The following CDH13 variants were observed in gnomAD, a reference collection of about 807,000 sequenced individuals.
The protein encoded by CDH13 is cadherin-13.
In CDH13, 24 loss-of-function variants were observed where a neutral mutation model predicts 63.8. That is an observed-to-expected ratio of 0.38 (90% CI 0.27 to 0.53). The LOEUF (loss-of-function observed/expected upper bound fraction) is 0.53. CDH13 is among the 20% of genes least tolerant of loss of function. The pLI is 0.85. For missense variants in CDH13, 1,049 were observed against 903.1 expected (o/e 1.16, Z -2.07); for synonymous variants, 503 against 355.3 (o/e 1.42, Z -4.67).
At chr16:82,909,250 A>ATGTGTG (rs945671440) in intron 2 of CDH13, among the ~76,000 whole-genome samples, 1 of 96,244 alleles carries the variant, frequency 1.0e-5, no homozygotes, top group African/African-American at 4.3e-5. Flanking sequence ...GACTGACTGT[A>ATGTGTG]TATGTGTGTG....
chr16:82,972,047 C>A (rs1908834601), intron 2 of CDH13, among the ~76,000 whole-genome samples: 2 of 152,182 alleles, frequency 1.3e-5, no homozygotes. Context: ...CACAGATGTG[C>A]CAGATATGTA....
intron 2 of CDH13, among the ~76,000 whole-genome samples, chr16:82,892,668 C>T (rs1212550993): frequency 6.6e-6 from 1 of 152,122 alleles, no homozygotes; most frequent in Non-Finnish European, 1.5e-5. Context: ...GCAAGTTGTT[C>T]TGTCATTTAG....
chr16:82,948,856 T>C (rs1327257686), intron 2 of CDH13, among the ~76,000 whole-genome samples: 1 of 152,176 alleles, frequency 6.6e-6, no homozygotes, highest in Admixed American at 6.5e-5. Context: ...TTGACATCAA[T>C]TTACTGAACA....
chr16:83,138,444 C>G (rs559669361), intron 4 of CDH13, among the ~76,000 whole-genome samples: 8 of 152,262 alleles, frequency 5.3e-5, no homozygotes, highest in African/African-American at 1.9e-4. Context: ...TAAGAGCAGG[C>G]AACGCGAAGC....
rs143437816 is a variant in CDH13 at position 83,558,829 on chromosome 16, G to T, written c.961-43625G>T. ...GTACATCTTTAAATAATTTACCCAC[G>T]TGGGTAGGTAGGAAAACTGGATCTG... is the stretch of plus-strand genomic sequence containing the variant. On this transcript the variant is annotated intron_variant, in intron 7 of 13. Transcript: ENST00000567109. Among the ~76,000 whole-genome samples, 208 of 152,282 alleles carry T rather than the reference G, an allele frequency of 1.4e-3. 6 individuals are homozygous for T. The East Asian group carries it at 0.039, about 28-fold the overall frequency.
intron 1 of CDH13, chr16:82,826,208 G>C (rs1035339387): frequency 2.0e-4 from 31 of 152,284 alleles, no homozygotes; most frequent in African/African-American, 7.0e-4. Flanking sequence ...CTCTGATTCT[G>C]AAGTACTTTG....
At position 83,424,586 on chromosome 16, in the gene CDH13, G is replaced by C. The variant is rs373241760; in HGVS notation, c.782-61891G>C. On this transcript the variant is annotated intron_variant, in intron 6 of 13. Coordinates refer to ENST00000567109, the MANE Select transcript of CDH13 (RefSeq NM_001257.5). ...AGGCAAACTAATATAAATAATATTG[G>C]ACTATTAATTTTGGAAGGGTCACTA... 9.2e-5 allele frequency among the ~76,000 whole-genome samples: 14 copies of C among 152,122 alleles called. No homozygotes were observed. The South Asian group carries it at 2.9e-3, about 32-fold the overall frequency.
chr16:83,099,252 A>G (rs978541021), intron 3 of CDH13, among the ~76,000 whole-genome samples: 1 of 152,194 alleles, frequency 6.6e-6, no homozygotes. Flanking sequence ...AATGTTAACT[A>G]TTACATAAAT....
chr16:83,176,962 A>T (rs2038152893), intron 4 of CDH13, among the ~76,000 whole-genome samples: 1 of 152,158 alleles, frequency 6.6e-6, no homozygotes, highest in Admixed American at 6.5e-5. Flanking sequence ...GCAACTAGAA[A>T]GTTTTTACCC....
intron 3 of CDH13, among the ~76,000 whole-genome samples, chr16:83,086,044 A>C (rs920283834): frequency 1.3e-5 from 2 of 152,196 alleles, no homozygotes; most frequent in African/African-American, 2.4e-5. Context: ...TGGCTGCTCC[A>C]ATTGAGAACA....
At chr16:82,939,948 G>C (rs1275755553) in intron 2 of CDH13, among the ~76,000 whole-genome samples, 1 of 152,178 alleles carries the variant, frequency 6.6e-6, no homozygotes, top group Non-Finnish European at 1.5e-5. Context: ...CACAATCATG[G>C]TGGAAGGTGA....
At chr16:83,273,210 A>G in intron 5 of CDH13, among the ~76,000 whole-genome samples, 1 of 152,146 alleles carries the variant, frequency 6.6e-6, no homozygotes, top group East Asian at 1.9e-4. Context: ...TGCAGGGGAT[A>G]CATGTGCAGG....
chr16:82,982,973 G>T (rs1910477337), intron 2 of CDH13, among the ~76,000 whole-genome samples: 1 of 152,108 alleles, frequency 6.6e-6, no homozygotes, highest in Non-Finnish European at 1.5e-5. Context: ...GTGGCCCTGA[G>T]AATATGCCTC....
intron 10 of CDH13, among the ~76,000 whole-genome samples, chr16:83,743,154 C>T (rs992744615): frequency 6.6e-6 from 1 of 152,144 alleles, no homozygotes; most frequent in African/African-American, 2.4e-5. Flanking sequence ...TTGCAGTGGG[C>T]TGAGATCGCT....
chr16:83,151,239 A>G (rs1017030158), intron 4 of CDH13, among the ~76,000 whole-genome samples: 2 of 152,176 alleles, frequency 1.3e-5, no homozygotes, highest in African/African-American at 4.8e-5. Context: ...GTGACACAAT[A>G]TGCTCCATGA....
chr16:83,072,215 C>T (rs72796239), intron 3 of CDH13, among the ~76,000 whole-genome samples: 1 of 152,210 alleles, frequency 6.6e-6, no homozygotes, highest in African/African-American at 2.4e-5. Context: ...AATCCTTGCT[C>T]TGTATTCAGT....
At chr16:82,938,379 A>C (rs1353702455) in intron 2 of CDH13, among the ~76,000 whole-genome samples, 1 of 152,340 alleles carries the variant, frequency 6.6e-6, no homozygotes, top group Middle Eastern at 3.4e-3. Context: ...TAAATGATCA[A>C]TGTTTCTTTT....
rs61238535 is a variant in CDH13 at position 82,635,147 on chromosome 16, C to T, written c.45+8010C>T. Among the ~76,000 whole-genome samples, 1,191 of 152,334 alleles carry T rather than the reference C, an allele frequency of 7.8e-3. 16 individuals carry two copies. Among genetic ancestry groups the T allele is most frequent in the African/African-American group, 0.028 (1,143 of 41,560 alleles). On this transcript the variant is annotated intron_variant, in intron 1 of 13. Coordinates refer to ENST00000567109, the MANE Select transcript of CDH13 (RefSeq NM_001257.5). Reference sequence around the variant, plus strand: ...AGACTATAAGCTCTGTTGTGGTCCACATTGTGGCTTGATTTGTTCATTTCT... The same window carrying T: ...AGACTATAAGCTCTGTTGTGGTCCATATTGTGGCTTGATTTGTTCATTTCT...
rs189637237 is a variant in CDH13, at chr16:83,291,375, G to A, written c.637-53487G>A. Among the ~76,000 whole-genome samples the A allele has an allele frequency of 3.2e-4, 49 of 151,938 alleles. No homozygotes were observed. In the East Asian group the frequency reaches 9.3e-3, roughly 29 times the overall value. On this transcript the variant is annotated intron_variant, in intron 5 of 13. Transcript: ENST00000567109. ...TTTCAGCTTATTGTACCCCCGCTTT[G>A]TACCCCACCTCACTCCCAGCTTCTA...
Sources: allele counts gnomAD v4.1 joint callset (sites outside exome capture counted in the v4.1 genomes callset), GRCh38; gene constraint gnomAD v4.1.1; transcripts MANE v1.5; gene names NCBI Gene and HGNC (gene_info 2026-07-23, HGNC 2026-07-21).